ZNF695: variants seen among roughly 807,000 people sequenced by gnomAD.
The protein encoded by ZNF695 is zinc finger protein SBZF3.
Under a neutral mutation model 11.2 loss-of-function variants are expected in ZNF695, and 11 were observed. The observed-to-expected ratio is 0.98, with a 90% CI of 0.62 to 1.62. The LOEUF (loss-of-function observed/expected upper bound fraction) is 1.62, where lower values mean the gene tolerates loss of function less well. Ranked by LOEUF, ZNF695 falls within the 40% of genes most tolerant of loss-of-function variation. The pLI is 0.00. For missense variants in ZNF695, 559 were observed against 590.5 expected, an observed-to-expected ratio of 0.95 and a Z score of 0.55; for synonymous variants, 190 against 201.4, an observed-to-expected ratio of 0.94 and a Z score of 0.48.
In ZNF695 at chr1:247,006,423, C is replaced by T. The variant is rs1387202438; in HGVS notation, c.3+1483G>A. On this transcript the variant is annotated intron_variant, in intron 1 of 3. Transcript: ENST00000339986. ...GTCAGGAGTTCGAGGGCAGCCTGGCCAACATAATGAAACCCCATCTCTACT... is the reference window on the plus strand; with the variant it reads ...GTCAGGAGTTCGAGGGCAGCCTGGCTAACATAATGAAACCCCATCTCTACT... Among the ~76,000 whole-genome samples the T allele has an allele frequency of 3.9e-5, 6 of 151,976 alleles. No homozygotes were observed. In the East Asian group the frequency reaches 1.2e-3, roughly 30 times the overall value.
Position 246,974,164 on chromosome 1 carries a change from A to AAAAC in ZNF695, c.391-6373_391-6372insGTTT, listed in dbSNP as rs1558309695. Among the ~76,000 whole-genome samples, 760 of 149,242 alleles carry AAAAC rather than the reference A, an allele frequency of 5.1e-3. 7 individuals are homozygous for AAAAC. The highest frequency in any genetic ancestry group is 0.017 in the African/African-American group (678 of 40,120). On this transcript the variant is annotated intron_variant, in intron 4 of 5. Transcript: ENST00000487338. Reference sequence around the variant, plus strand: ...GAATAAAAAACAAACAAACAAACAAAAAAAAACAAACAAAAAACAACAACA... The same window carrying AAAAC: ...GAATAAAAAACAAACAAACAAACAAAAAACAAAAAACAAACAAAAAACAACAACA...
At position 246,986,083 on chromosome 1, in the gene ZNF695, T is replaced by C. The variant is rs1453948061; in HGVS notation, c.*884A>G. On this transcript the variant is annotated 3_prime_UTR_variant, in exon 4 of 4. Transcript: ENST00000339986. ...CTTTATTATTATGTTGTTATTATTA[T>C]TATTGAGAAAGGGTCTTGCTCTGTT... is the stretch of plus-strand genomic sequence containing the variant. The C allele has an allele frequency of 3.1e-6, 3 of 970,532 alleles. No homozygotes were observed. The highest frequency in any genetic ancestry group is 3.5e-5 in the African/African-American group (2 of 56,968). The allele number at this position is 970,532 out of a possible 1,614,324, so 60.1% of individuals were successfully genotyped here. A position where few individuals can be genotyped will look rare whatever the true frequency, so the allele number is the denominator to read the frequency against.
At position 246,950,929 on chromosome 1, in the gene ZNF695, A is replaced by T. The variant is rs777493540; in HGVS notation, c.489-5102T>A. Among the ~76,000 whole-genome samples the T allele has an allele frequency of 3.9e-5, 6 of 152,182 alleles. 1 individual carries two copies. Among genetic ancestry groups the T allele is most frequent in the Non-Finnish European group, 8.8e-5 (6 of 68,040 alleles). On this transcript the variant is annotated intron_variant, in intron 5 of 5. Transcript: ENST00000487338. ...TGACCACTCCAAATTGAAAAATATC[A>T]AACAGGTATACCCTGTTCCTCCAAA...
intron 5 of ZNF695, among the ~76,000 whole-genome samples, chr1:246,956,352 A>G (rs867353731): frequency 1.3e-5 from 2 of 149,360 alleles, no homozygotes; most frequent in Non-Finnish European, 3.0e-5. Flanking sequence ...GCGGTGGCTC[A>G]TGCCTGTAAT....
At position 246,945,926 on chromosome 1, in the gene ZNF695, G is replaced by C; in HGVS notation, c.489-99C>G. 3.5e-6 allele frequency: 5 copies of C among 1,425,244 alleles called. No homozygotes were observed. In the South Asian group the frequency reaches 3.7e-5, roughly 11 times the overall value. The allele number at this position is 1,425,244 out of a possible 1,614,324, so 88.3% of individuals were successfully genotyped here. Reference sequence around the variant, plus strand: ...TTAAACCGGTTCTGATTGAAGACTTGGTTCCATTGGAGAAGTCTGTCTGTC... The same window carrying C: ...TTAAACCGGTTCTGATTGAAGACTTCGTTCCATTGGAGAAGTCTGTCTGTC... On this transcript the variant is annotated intron_variant, in intron 5 of 5. Transcript: ENST00000487338.
chr1:246,987,073 T>G lies in ZNF695; in HGVS notation c.1442A>C (p.Lys481Thr), dbSNP rs1398437288. 2 of 1,613,962 alleles carry G rather than the reference T, an allele frequency of 1.2e-6. No homozygotes were observed. The highest frequency in any genetic ancestry group is 1.7e-6 in the Non-Finnish European group (2 of 1,180,002). Reference sequence around the variant, plus strand: ...CTCTCTGGTATGAATTGTCTTATGTTTAGAAAGGTGTGAGCTCTGGCCAAA... The same window carrying G: ...CTCTCTGGTATGAATTGTCTTATGTGTAGAAAGGTGTGAGCTCTGGCCAAA... ...KAFGQSSHLS[K>T]HKTIHTREKP... is the part of the protein sequence containing the mutation. Residue 481 changes from lysine to threonine, a missense_variant, in exon 4 of 4, where the codon AAA becomes ACA. Transcript: ENST00000339986.
chr1:246,979,047 T>C (rs1668637646), intron 4 of ZNF695, among the ~76,000 whole-genome samples: 1 of 152,180 alleles, frequency 6.6e-6, no homozygotes, highest in South Asian at 2.1e-4. Flanking sequence ...TGACTACTGT[T>C]CAAAGTCTAC....
In ZNF695 at chr1:246,987,625, T is replaced by C; in HGVS notation, c.890A>G (p.Lys297Arg). ...KKIHTGEKPYKCEECGKSFKL... is the reference protein window; with the variant it reads ...KKIHTGEKPYRCEECGKSFKL... ...AAAGGATTTGCCACATTCTTCACAT[T>C]TGTATGGTTTCTCTCCAGTATGAAT... The change falls in exon 4 of 4, where the codon AAA becomes AGA. Residue 297 changes from lysine to arginine, a missense_variant. Lys to Arg is a conservative substitution (Grantham distance 26). Transcript: ENST00000339986. 1 of 1,603,814 alleles carries C rather than the reference T, an allele frequency of 6.2e-7. No homozygotes were observed. Among genetic ancestry groups the C allele is most frequent in the Non-Finnish European group, 8.5e-7 (1 of 1,176,278 alleles).
At chr1:246,976,952 T>C (rs534434087) in intron 4 of ZNF695, among the ~76,000 whole-genome samples, 2 of 152,334 alleles carry the variant, frequency 1.3e-5, no homozygotes, top group African/African-American at 2.4e-5. Flanking sequence ...TTAGACATTA[T>C]AAATTTACAA....
intron 1 of ZNF695, among the ~76,000 whole-genome samples, chr1:247,007,256 A>G (rs1669565031): frequency 6.6e-6 from 1 of 152,124 alleles, no homozygotes; most frequent in African/African-American, 2.4e-5. Context: ...CTGTAATCCC[A>G]GCACTTTGGG....
chr1:246,982,925 C>A (rs930400426), downstream of ZNF695, among the ~76,000 whole-genome samples: 1 of 151,972 alleles, frequency 6.6e-6, no homozygotes, highest in East Asian at 1.9e-4. Flanking sequence ...ATTTTCTGGC[C>A]GGGCACGGTG....
At chr1:246,988,954 C>A (rs1004834473) in intron 3 of ZNF695, among the ~76,000 whole-genome samples, 1 of 152,096 alleles carries the variant, frequency 6.6e-6, no homozygotes, top group East Asian at 1.9e-4. Flanking sequence ...ATTAGCCGGG[C>A]GTGGTGGCAG....
chr1:246,981,377 G>A (rs190220040), downstream of ZNF695, among the ~76,000 whole-genome samples: 23 of 152,150 alleles, frequency 1.5e-4, no homozygotes, highest in East Asian at 4.4e-3. Context: ...TTTACTATTG[G>A]ATATATATCC....
At chr1:247,007,804 A>C (rs2103036852) in intron 1 of ZNF695, 102 bp downstream of exon 1, 2 of 1,384,008 alleles carry the variant, frequency 1.4e-6, no homozygotes, top group Non-Finnish European at 1.9e-6. Flanking sequence ...TCCGGAGCCG[A>C]CCGCCGGGAG....
intron 5 of ZNF695, among the ~76,000 whole-genome samples, chr1:246,966,352 G>T (rs565012368): frequency 3.9e-5 from 6 of 152,140 alleles, no homozygotes; most frequent in Non-Finnish European, 4.4e-5. Context: ...ATGGTGGCAG[G>T]TACCTGTAAT....
intron 1 of ZNF695, 57 bp downstream of exon 1, chr1:247,007,849 C>G: frequency 6.7e-7 from 1 of 1,503,292 alleles, no homozygotes; most frequent in Non-Finnish European, 8.9e-7. Flanking sequence ...CAGCCAATTC[C>G]AACCGATTCC....
At position 246,958,289 on chromosome 1, in the gene ZNF695, A is replaced by T. The variant is rs550697388; in HGVS notation, c.488+9406T>A. ...TAGCCAGGATGTTCTTGATCTCCTG[A>T]CCTCGTGATCTGCCCTCCTCGGCCT... On this transcript the variant is annotated intron_variant, in intron 5 of 5. Coordinates refer to the ZNF695 transcript ENST00000487338. 8.6e-5 allele frequency among the ~76,000 whole-genome samples: 13 copies of T among 151,880 alleles called. No individual in the cohort carries two copies. The South Asian group carries it at 2.7e-3, about 32-fold the overall frequency.
At position 247,008,036 on chromosome 1, in the gene ZNF695, C is replaced by CG; in HGVS notation, c.-129dup. The CG allele has an allele frequency of 1.8e-6, 2 of 1,099,368 alleles. No individual in the cohort carries two copies. The highest frequency in any genetic ancestry group is 1.2e-6 in the Non-Finnish European group (1 of 832,196). The allele number at this position is 1,099,368 out of a possible 1,614,324, so 68.1% of individuals were successfully genotyped here. ...GGCAGCAGACGGGAACCCAGCACCCCGCCGGCCGCAAGGAGACAAAGGCCC... is the reference window on the plus strand; with the variant it reads ...GGCAGCAGACGGGAACCCAGCACCCCGGCCGGCCGCAAGGAGACAAAGGCCC... On this transcript the variant is annotated 5_prime_UTR_variant, in exon 1 of 4. Coordinates refer to ENST00000339986, the MANE Select transcript of ZNF695 (RefSeq NM_020394.5).
At chr1:246,981,137 A>G (rs1023341570), downstream of ZNF695, among the ~76,000 whole-genome samples, 1 of 152,248 alleles carries the variant, frequency 6.6e-6, no homozygotes, top group Non-Finnish European at 1.5e-5. Context: ...TTAAATGTTC[A>G]TCAATAATCA....
Sources: gnomAD v4.1 joint callset for allele counts (sites outside exome capture counted in the v4.1 genomes callset) on GRCh38, gnomAD v4.1.1 for gene constraint, MANE v1.5 for transcripts, NCBI Gene and HGNC (gene_info 2026-07-23, HGNC 2026-07-21) for gene names.